DOK6: variants seen among roughly 807,000 people sequenced by gnomAD.
DOK6 encodes docking protein 6.
A neutral mutation model predicts 44.0 loss-of-function variants in DOK6; 22 were observed. The observed-to-expected ratio is 0.50, with a 90% CI of 0.36 to 0.71. DOK6 has a LOEUF of 0.71. Ranked by LOEUF, DOK6 falls within the 30% of genes least tolerant of loss-of-function variation. The pLI is 0.00. For synonymous variants in DOK6, 166 were observed against 145.5 expected, an observed-to-expected ratio of 1.14 and a Z score of -1.01; for missense variants, 340 against 416.4, an observed-to-expected ratio of 0.82 and a Z score of 1.60.
At chr18:69,497,659 A>G (rs1158519886) in intron 1 of DOK6, among the ~76,000 whole-genome samples, 2 of 152,172 alleles carry the variant, frequency 1.3e-5, no homozygotes, top group Non-Finnish European at 2.9e-5. Context: ...AAGATACTAA[A>G]TACGTATTTG....
intron 5 of DOK6, among the ~76,000 whole-genome samples, chr18:69,703,465 A>C (rs527760115): frequency 6.6e-6 from 1 of 152,348 alleles, no homozygotes; most frequent in South Asian, 2.1e-4. Flanking sequence ...TCAATATAAT[A>C]TAGGAATTGT....
rs1292619932 is a variant in DOK6 at position 69,843,386 on chromosome 18, A to ACTG, written c.*2005_*2006insGCT. 2 of 152,126 alleles carry ACTG rather than the reference A, an allele frequency of 1.3e-5. No individual in the cohort carries two copies. The highest frequency in any genetic ancestry group is 4.8e-5 in the African/African-American group (2 of 41,412). The allele number at this position is 152,126 out of a possible 1,614,324, so 9.4% of individuals were successfully genotyped here. Reference sequence around the variant, plus strand: ...GCCTTTAGTCAAATACACCAGAGCAACTCCCAGCTGAGACCATTTGAGCAC... The same window carrying ACTG: ...GCCTTTAGTCAAATACACCAGAGCAACTGCTCCCAGCTGAGACCATTTGAGCAC... On this transcript the variant is annotated 3_prime_UTR_variant, in exon 8 of 8. Transcript: ENST00000382713.
intron 2 of DOK6, among the ~76,000 whole-genome samples, chr18:69,570,691 A>T (rs1983092914): frequency 6.6e-6 from 1 of 152,164 alleles, no homozygotes; most frequent in East Asian, 1.9e-4. Flanking sequence ...AAAAGACATG[A>T]CATACTGGGG....
At chr18:69,403,276 C>T (rs989148232) in intron 1 of DOK6, among the ~76,000 whole-genome samples, 3 of 152,262 alleles carry the variant, frequency 2.0e-5, no homozygotes, top group Admixed American at 6.5e-5. Context: ...TCCAAGCCCT[C>T]CAGGATTTCA....
At chr18:69,648,131 G>A (rs190062685) in intron 3 of DOK6, among the ~76,000 whole-genome samples, 27 of 151,934 alleles carry the variant, frequency 1.8e-4, no homozygotes, top group Admixed American at 1.2e-3. Flanking sequence ...TGTTTTTTAC[G>A]TTACACATCC....
chr18:69,726,681 A>T (rs1051402230), intron 5 of DOK6, among the ~76,000 whole-genome samples: 10 of 144,016 alleles, frequency 6.9e-5, no homozygotes, highest in Non-Finnish European at 1.2e-4. Context: ...GTATATATAC[A>T]TATATTTTTT....
At chr18:69,835,484 C>A (rs1385555325) in intron 7 of DOK6, among the ~76,000 whole-genome samples, 32 of 148,404 alleles carry the variant, frequency 2.2e-4, no homozygotes, top group African/African-American at 5.7e-4. Context: ...ACAACAACAA[C>A]AAAAAAAAAA....
chr18:69,708,242 C>A (rs1208615349), intron 5 of DOK6, among the ~76,000 whole-genome samples: 5 of 152,000 alleles, frequency 3.3e-5, no homozygotes, highest in Admixed American at 3.3e-4. Flanking sequence ...TAATAATAAT[C>A]CTTTAGGTTA....
intron 4 of DOK6, among the ~76,000 whole-genome samples, chr18:69,688,501 A>G (rs182066681): frequency 1.1e-4 from 16 of 152,300 alleles, no homozygotes; most frequent in Admixed American, 1.3e-4. Context: ...GAAGAAATAG[A>G]CACACACATA....
chr18:69,683,569 G>C (rs1448961937), intron 4 of DOK6, among the ~76,000 whole-genome samples: 1 of 152,186 alleles, frequency 6.6e-6, no homozygotes, highest in Admixed American at 6.5e-5. Flanking sequence ...TGTGGCTGGA[G>C]TGATGACACG....
At chr18:69,587,986 T>C (rs993889931) in intron 2 of DOK6, among the ~76,000 whole-genome samples, 10 of 152,214 alleles carry the variant, frequency 6.6e-5, no homozygotes, top group African/African-American at 2.2e-4. Flanking sequence ...GTCTCTTTTA[T>C]AGTTGAATTC....
chr18:69,741,699 G>T (rs1338497912), intron 6 of DOK6, among the ~76,000 whole-genome samples: 1 of 152,048 alleles, frequency 6.6e-6, no homozygotes, highest in African/African-American at 2.4e-5. Context: ...GTCTTACTGT[G>T]TTGCCCAGGC....
At chr18:69,493,401 A>AG (rs1278903930) in intron 1 of DOK6, among the ~76,000 whole-genome samples, 1 of 152,194 alleles carries the variant, frequency 6.6e-6, no homozygotes, top group African/African-American at 2.4e-5. Context: ...TGTGGTCCCC[A>AG]GAAAAAGAGC....
chr18:69,670,510 ATTT>A (rs34425516), intron 3 of DOK6, among the ~76,000 whole-genome samples: 11,952 of 137,040 alleles, frequency 0.087, 584 homozygotes, highest in African/African-American at 0.17. Context: ...TTGTGCATCA[ATTT>A]TTTTTTTTTT....
chr18:69,419,168 A>T (rs187370768), intron 1 of DOK6, among the ~76,000 whole-genome samples: 3 of 152,178 alleles, frequency 2.0e-5, no homozygotes. Context: ...ACTAAATTTT[A>T]GAAGACTTCA....
intron 7 of DOK6, among the ~76,000 whole-genome samples, chr18:69,770,651 C>T (rs1351523125): frequency 2.0e-5 from 3 of 152,044 alleles, no homozygotes; most frequent in Non-Finnish European, 4.4e-5. Flanking sequence ...TAAAGCACAC[C>T]GTATATGTAA....
At chr18:69,664,192 A>C (rs1169667758) in intron 3 of DOK6, among the ~76,000 whole-genome samples, 1 of 152,192 alleles carries the variant, frequency 6.6e-6, no homozygotes, top group African/African-American at 2.4e-5. Context: ...GTTTATTTTC[A>C]TACTTCTGTA....
chr18:69,777,802 T>A (rs866319713), intron 7 of DOK6: 1 of 146,144 alleles, frequency 6.8e-6, no homozygotes, highest in Non-Finnish European at 1.5e-5. Flanking sequence ...TGTTTGTGGA[T>A]GATAAAAAAA....
chr18:69,742,555 T>G (rs1016885115), intron 6 of DOK6, among the ~76,000 whole-genome samples: 2 of 152,180 alleles, frequency 1.3e-5, no homozygotes, highest in Non-Finnish European at 2.9e-5. Flanking sequence ...TTTCCTTCAC[T>G]GAGAAGAATA....
Sources: gnomAD v4.1 joint callset for allele counts (sites outside exome capture counted in the v4.1 genomes callset) on GRCh38, gnomAD v4.1.1 for gene constraint, MANE v1.5 for transcripts, NCBI Gene and HGNC (gene_info 2026-07-23, HGNC 2026-07-21) for gene names.